Variants in ATP8B4 observed in about 807,000 individuals in gnomAD.
The protein encoded by ATP8B4 is ATPase phospholipid transporting 8B4 (putative), also known as probable phospholipid-transporting ATPase IM.
Under a neutral mutation model 145.6 loss-of-function variants are expected in ATP8B4, and 133 were observed. The observed-to-expected ratio is 0.91, with a 90% confidence interval of 0.79 to 1.05. ATP8B4 has a LOEUF of 1.05. Ranked by LOEUF, ATP8B4 falls within the 50% of genes least tolerant of loss-of-function variation. The probability of loss-of-function intolerance (pLI) is 0.00; values close to 1 mark genes in which losing one functional copy is unlikely to be tolerated. For synonymous variants in ATP8B4, 507 were observed against 492.9 expected (o/e 1.03, Z -0.38); for missense variants, 1,458 against 1,425.2 (o/e 1.02, Z -0.37).
chr15:50,011,016 C>T (rs2048685739), intron 6 of ATP8B4, 99 bp from the exon 7 acceptor site: 2 of 753,412 alleles, frequency 2.7e-6, no homozygotes, highest in Non-Finnish European at 4.0e-6. Context: ...ACAGAGGAAG[C>T]AGGCAAGACT....
Position 49,876,769 on chromosome 15 carries a change from G to A in ATP8B4, c.2782-246C>T, listed in dbSNP as rs1007492283. ...AGATTCATGAGAGGTCACACAGCTCGTAAGTAGCAGAACCAGGGCTTGGTT... is the reference window on the plus strand; with the variant it reads ...AGATTCATGAGAGGTCACACAGCTCATAAGTAGCAGAACCAGGGCTTGGTT... On this transcript the variant is annotated intron_variant, in intron 24 of 27. Transcript: ENST00000284509. 6.3e-5 allele frequency: 41 copies of A among 646,400 alleles called. 1 individual carries two copies. The highest frequency in any genetic ancestry group is 1.0e-4 in the Non-Finnish European group (37 of 356,384). The allele number at this position is 646,400 out of a possible 1,614,324, so 40.0% of individuals were successfully genotyped here. A position where few individuals can be genotyped will look rare whatever the true frequency, so the allele number is the denominator to read the frequency against.
chr15:50,013,952 C>T (rs7177104), intron 6 of ATP8B4, among the ~76,000 whole-genome samples: 87,089 of 152,048 alleles, frequency 0.57, 26,481 homozygotes, highest in East Asian at 0.99. Context: ...TCATGCTCCA[C>T]GTCACTAGAC....
chr15:50,043,133 T>C (rs183878061), intron 5 of ATP8B4, among the ~76,000 whole-genome samples: 174 of 152,334 alleles, frequency 1.1e-3, no homozygotes, highest in Admixed American at 7.6e-3. Flanking sequence ...TGACTTGGGC[T>C]AGGAATATAA....
chr15:49,950,519 T>A (rs2042967197), intron 14 of ATP8B4, among the ~76,000 whole-genome samples: 1 of 151,510 alleles, frequency 6.6e-6, no homozygotes, highest in African/African-American at 2.4e-5. Context: ...CCTTTATCAT[T>A]TTTTATTGTG....
chr15:50,073,934 C>T (rs1261190580), intron 3 of ATP8B4, among the ~76,000 whole-genome samples, 193 bp downstream of exon 3: 1 of 152,158 alleles, frequency 6.6e-6, no homozygotes, highest in Non-Finnish European at 1.5e-5. Context: ...ATACCAACTA[C>T]TCTTAGTGGG....
intron 1 of ATP8B4, among the ~76,000 whole-genome samples, chr15:50,110,440 C>A (rs2056883395): frequency 6.6e-6 from 1 of 152,166 alleles, no homozygotes; most frequent in African/African-American, 2.4e-5. Flanking sequence ...CGCTCCACCT[C>A]TAAAGGTTGT....
intron 6 of ATP8B4, among the ~76,000 whole-genome samples, chr15:50,014,163 A>T (rs958284476): frequency 6.6e-6 from 1 of 152,174 alleles, no homozygotes; most frequent in East Asian, 1.9e-4. Context: ...CTCACAAGCT[A>T]CAGAAGTGTT....
intron 1 of ATP8B4, among the ~76,000 whole-genome samples, chr15:50,110,734 G>T (rs2056897193): frequency 6.6e-6 from 1 of 152,108 alleles, no homozygotes; most frequent in Non-Finnish European, 1.5e-5. Flanking sequence ...CTTATGCCAG[G>T]GATTAAAATG....
intron 2 of ATP8B4, among the ~76,000 whole-genome samples, chr15:50,100,457 A>ATATAT (rs1323908459): frequency 2.0e-5 from 3 of 152,254 alleles, no homozygotes; most frequent in African/African-American, 7.2e-5. Flanking sequence ...ATTAGAATAC[A>ATATAT]TATATTTTAT....
chr15:50,072,986 A>C (rs1319302479), intron 3 of ATP8B4, among the ~76,000 whole-genome samples: 102 of 16,162 alleles, frequency 6.3e-3, no homozygotes, highest in African/African-American at 8.7e-3. Flanking sequence ...CTCTCTATAT[A>C]TATATATATA....
intron 14 of ATP8B4, among the ~76,000 whole-genome samples, chr15:49,942,845 A>G (rs1212102907): frequency 6.6e-6 from 1 of 152,036 alleles, no homozygotes; most frequent in Admixed American, 6.5e-5. Context: ...AAAATAAAAT[A>G]AAAAGAAATG....
intron 16 of ATP8B4, among the ~76,000 whole-genome samples, chr15:49,928,122 G>A (rs568296590): frequency 2.1e-4 from 32 of 152,254 alleles, no homozygotes; most frequent in African/African-American, 7.7e-4. Context: ...GCCTTGGGCA[G>A]TTTAGGAAGA....
chr15:50,005,925 T>C (rs931029839), intron 7 of ATP8B4, among the ~76,000 whole-genome samples: 2 of 123,734 alleles, frequency 1.6e-5, no homozygotes, highest in Non-Finnish European at 3.1e-5. Context: ...TGGATCGCCT[T>C]TTATTTTTTA....
chr15:50,085,678 G>C (rs570071698), intron 2 of ATP8B4, among the ~76,000 whole-genome samples: 1 of 151,056 alleles, frequency 6.6e-6, no homozygotes, highest in South Asian at 2.1e-4. Flanking sequence ...AATTATATGT[G>C]TAAGATTTAG....
chr15:50,139,066 A>T (rs1595638318), intron 1 of ATP8B4, among the ~76,000 whole-genome samples: 1 of 152,186 alleles, frequency 6.6e-6, no homozygotes, highest in African/African-American at 2.4e-5. Context: ...ATAACATTTG[A>T]CCCAGCAATC....
At chr15:50,153,019 G>A (rs924063294) in intron 1 of ATP8B4, among the ~76,000 whole-genome samples, 1 of 152,176 alleles carries the variant, frequency 6.6e-6, no homozygotes, top group African/African-American at 2.4e-5. Flanking sequence ...GAAAGAATGT[G>A]TCCAAAGTTA....
chr15:49,891,916 C>A (rs2036854271), intron 23 of ATP8B4, among the ~76,000 whole-genome samples: 1 of 151,894 alleles, frequency 6.6e-6, no homozygotes, highest in South Asian at 2.1e-4. Flanking sequence ...GAGATTGAGA[C>A]CATCCTGGCT....
At chr15:50,146,203 G>A (rs553755899) in intron 1 of ATP8B4, among the ~76,000 whole-genome samples, 21 of 151,690 alleles carry the variant, frequency 1.4e-4, no homozygotes, top group African/African-American at 4.4e-4. Flanking sequence ...TAGTAGAGAC[G>A]GGGTTTCACC....
intron 1 of ATP8B4, among the ~76,000 whole-genome samples, chr15:50,161,313 A>G (rs2044514850): frequency 6.6e-6 from 1 of 151,852 alleles, no homozygotes; most frequent in African/African-American, 2.4e-5. Flanking sequence ...TTGCTTTTTT[A>G]TCCATTCAGC....
Sources: allele counts gnomAD v4.1 joint callset (sites outside exome capture counted in the v4.1 genomes callset), GRCh38; gene constraint gnomAD v4.1.1; transcripts MANE v1.5; gene names NCBI Gene and HGNC (gene_info 2026-07-23, HGNC 2026-07-21).